Variants in EGLN1 observed in about 807,000 individuals in gnomAD.
EGLN1 encodes egl nine homolog 1.
EGLN1 carries 17 observed loss-of-function variants against 38.3 expected under a neutral mutation model. The ratio of observed to expected loss-of-function variants is 0.44; its 90% CI spans 0.30 to 0.67. The LOEUF is 0.67. Among genes scored for constraint, EGLN1 ranks in the 30% least tolerant of loss-of-function variants. EGLN1 has a pLI of 0.08. For synonymous variants in EGLN1, 283 were observed against 257.5 expected, an observed-to-expected ratio of 1.10 and a Z score of -0.95; for missense variants, 477 against 603.3, an observed-to-expected ratio of 0.79 and a Z score of 2.19.
chr1:231,391,583 T>C (rs2739507), intron 1 of EGLN1, among the ~76,000 whole-genome samples: 87,830 of 151,952 alleles, frequency 0.58, 26,136 homozygotes, highest in Non-Finnish European at 0.65. Flanking sequence ...TAACTTTTAT[T>C]AGTCTAAAAA....
intron 2 of EGLN1, 112 bp downstream of exon 2, chr1:231,373,868 G>A (rs941246559): frequency 1.5e-6 from 2 of 1,293,492 alleles, no homozygotes; most frequent in Non-Finnish European, 1.1e-6. Context: ...ACAAATTTAA[G>A]AGGAAAATTT....
chr1:231,386,863 T>C (rs544643905), intron 1 of EGLN1, among the ~76,000 whole-genome samples: 102 of 152,268 alleles, frequency 6.7e-4, no homozygotes, highest in African/African-American at 2.3e-3. Context: ...TAAAAATATA[T>C]ATACATATAT....
intron 1 of EGLN1, among the ~76,000 whole-genome samples, chr1:231,376,689 G>A (rs956255423): frequency 3.3e-5 from 5 of 152,096 alleles, no homozygotes; most frequent in African/African-American, 1.2e-4. Context: ...GATATATAAT[G>A]TAATGTTAGG....
At chr1:231,420,660 G>A (rs753884046) in intron 1 of EGLN1, among the ~76,000 whole-genome samples, 1 of 152,094 alleles carries the variant, frequency 6.6e-6, no homozygotes, top group Admixed American at 6.6e-5. Flanking sequence ...CCTTCACTGG[G>A]TGGCTAAAAC....
intron 1 of EGLN1, among the ~76,000 whole-genome samples, chr1:231,407,166 G>A (rs1476833003): frequency 6.6e-6 from 1 of 152,080 alleles, no homozygotes; most frequent in Non-Finnish European, 1.5e-5. Flanking sequence ...AGATTCAAAT[G>A]ACCTTTACAC....
At position 231,421,749 on chromosome 1, in the gene EGLN1, T is replaced by C. The variant is rs73121547; in HGVS notation, c.140A>G (p.Gln47Arg). Residue 47 changes from glutamine to arginine, a missense_variant, in exon 1 of 5, where the codon CAG becomes CGG. Coordinates refer to ENST00000366641, the MANE Select transcript of EGLN1 (RefSeq NM_022051.3). The surrounding 1 kb of genome is among the most constrained non-coding windows in gnomAD (Gnocchi z 5.5). ...RSSFYCCKEH[Q>R]RQDWKKHKLV... ...CTTGTGCTTCTTCCAGTCCTGACGCTGGTGCTCCTTGCAGCAGTAGAAGGA... is the reference window on the plus strand; with the variant it reads ...CTTGTGCTTCTTCCAGTCCTGACGCCGGTGCTCCTTGCAGCAGTAGAAGGA... 2.6e-6 allele frequency: 4 copies of C among 1,549,644 alleles called. No individual in the cohort carries two copies. The African/African-American group carries it at 5.6e-5, about 22-fold the overall frequency.
rs774928155 is a variant in EGLN1 at position 231,421,810 on chromosome 1, T to A, written c.79A>T (p.Met27Leu). 3 of 1,557,462 alleles carry A rather than the reference T, an allele frequency of 1.9e-6. No individual in the cohort carries two copies. The highest frequency in any genetic ancestry group is 4.9e-5 in the East Asian group (2 of 40,782). ...DRQYCELCGK[M>L]ENLLRCSRCR... ...CGGCTGCAGCGCAGCAGGTTCTCCATCTTCCCGCACAGCTCGCAGTACTGC... is the reference window on the plus strand; with the variant it reads ...CGGCTGCAGCGCAGCAGGTTCTCCAACTTCCCGCACAGCTCGCAGTACTGC... The change falls in exon 1 of 5, where the codon ATG becomes TTG. Residue 27 changes from methionine to leucine, a missense_variant. By Grantham distance (15) the Met-to-Leu change is conservative (BLOSUM62 2). Coordinates refer to ENST00000366641, the MANE Select transcript of EGLN1 (RefSeq NM_022051.3). This position sits in a 1 kb window ranked among gnomAD's most constrained non-coding sequence, Gnocchi z 5.5.
intron 1 of EGLN1, among the ~76,000 whole-genome samples, chr1:231,397,359 T>TTACG (rs1486026066): frequency 6.6e-6 from 1 of 152,196 alleles, no homozygotes; most frequent in Non-Finnish European, 1.5e-5. Flanking sequence ...CTGAGTAAAA[T>TTACG]TACGTTCAAG....
intron 1 of EGLN1, among the ~76,000 whole-genome samples, chr1:231,411,780 C>A (rs1017335007): frequency 6.6e-6 from 1 of 151,680 alleles, no homozygotes; most frequent in Admixed American, 6.6e-5. Flanking sequence ...GGGCGGATCA[C>A]GAGGTCAGGA....
At chr1:231,416,094 A>G (rs1970411) in intron 1 of EGLN1, among the ~76,000 whole-genome samples, 23,042 of 151,830 alleles carry the variant, frequency 0.15, 2,148 homozygotes, top group African/African-American at 0.25. Flanking sequence ...CTTGTGATCC[A>G]CCCGCCTCAG....
intron 1 of EGLN1, 51 bp downstream of exon 1, chr1:231,420,947 G>GCTTCGT: frequency 6.2e-7 from 1 of 1,613,628 alleles, no homozygotes; most frequent in Admixed American, 1.7e-5. Context: ...GCAGGCAGGG[G>GCTTCGT]CTGCCCGCCG....
Position 231,412,968 on chromosome 1 carries a change from AAATATATCCAG to A in EGLN1, c.891+8019_891+8029del, listed in dbSNP as rs1427961346. Among the ~76,000 whole-genome samples the A allele has an allele frequency of 1.8e-4, 27 of 152,280 alleles. 1 individual carries two copies. In the East Asian group the frequency reaches 5.2e-3, roughly 29 times the overall value. On this transcript the variant is annotated intron_variant, in intron 1 of 4. Coordinates refer to ENST00000366641, the MANE Select transcript of EGLN1 (RefSeq NM_022051.3). ...CAAATCTCATTTGATTCTACTTTCA[AAATATATCCAG>A]AATATATCCTACACAAACTGATCTC...
At chr1:231,382,052 A>G (rs1245804126) in intron 1 of EGLN1, among the ~76,000 whole-genome samples, 2 of 152,236 alleles carry the variant, frequency 1.3e-5, no homozygotes, top group East Asian at 3.8e-4. Flanking sequence ...TATTAATATA[A>G]TTCGTTGGAA....
chr1:231,404,312 G>C (rs996232803), intron 1 of EGLN1, among the ~76,000 whole-genome samples: 3 of 151,996 alleles, frequency 2.0e-5, no homozygotes, highest in African/African-American at 7.2e-5. Context: ...ACATTATTAA[G>C]GGTAAATAAG....
At chr1:231,375,533 CTTAT>C (rs1205681076) in intron 1 of EGLN1, among the ~76,000 whole-genome samples, 1 of 152,160 alleles carries the variant, frequency 6.6e-6, no homozygotes, top group African/African-American at 2.4e-5. Flanking sequence ...AACCTAAATC[CTTAT>C]TTAAAAATCC....
At chr1:231,369,374 G>A (rs544056020) in intron 3 of EGLN1, among the ~76,000 whole-genome samples, 1 of 152,226 alleles carries the variant, frequency 6.6e-6, no homozygotes, top group Admixed American at 6.5e-5. Context: ...TAAAAAGGAC[G>A]TAACCAAACC....
intron 3 of EGLN1, chr1:231,369,589 T>C: frequency 3.0e-6 from 3 of 985,384 alleles, no homozygotes; most frequent in Non-Finnish European, 3.6e-6. Flanking sequence ...CCTGCTTAGC[T>C]TGCTACTCAG....
At chr1:231,415,270 TAAAAA>T (rs71777021) in intron 1 of EGLN1, among the ~76,000 whole-genome samples, 1 of 135,084 alleles carries the variant, frequency 7.4e-6, no homozygotes, top group Non-Finnish European at 1.6e-5. Context: ...CCCTGTCCTT[TAAAAA>T]AAAAAAAAAA....
chr1:231,405,947 T>C (rs1048882480), intron 1 of EGLN1, among the ~76,000 whole-genome samples: 4 of 151,314 alleles, frequency 2.6e-5, no homozygotes, highest in Admixed American at 6.6e-5. Flanking sequence ...GTATGAATTC[T>C]AGTTTCATTT....
Sources: gnomAD v4.1 joint callset for allele counts (sites outside exome capture counted in the v4.1 genomes callset) on GRCh38, gnomAD v4.1.1 for gene constraint, Gnocchi (gnomAD v3.1) non-coding constraint, MANE v1.5 for transcripts, NCBI Gene and HGNC (gene_info 2026-07-23, HGNC 2026-07-21) for gene names.